The following AIF1L variants were observed in gnomAD, a reference collection of about 807,000 sequenced individuals.
AIF1L encodes the protein allograft inflammatory factor 1-like.
AIF1L carries 12 observed loss-of-function variants against 20.7 expected under a neutral mutation model. That is an observed-to-expected ratio of 0.58 (90% CI 0.37 to 0.94). AIF1L has a LOEUF of 0.94. AIF1L is among the 40% of genes least tolerant of loss of function. The pLI, the probability that AIF1L is intolerant of heterozygous loss-of-function variation, is 0.01. For synonymous variants in AIF1L, 76 were observed against 65.1 expected, an observed-to-expected ratio of 1.17 and a Z score of -0.81; for missense variants, 173 against 185.3, an observed-to-expected ratio of 0.93 and a Z score of 0.39.
intron 2 of AIF1L, among the ~76,000 whole-genome samples, chr9:131,104,897 C>CA (rs5900921): frequency 0.26 from 29,723 of 112,312 alleles, 3,443 homozygotes; most frequent in East Asian, 0.37. Flanking sequence ...GACTCTGTCT[C>CA]AAAAAAAAAA....
intron 2 of AIF1L, 121 bp downstream of exon 2, chr9:131,096,984 C>A: frequency 8.5e-7 from 1 of 1,171,522 alleles, no homozygotes; most frequent in Non-Finnish European, 1.1e-6. Context: ...TTCCCCTGGG[C>A]TTCCCTCAGG....
intron 4 of AIF1L, 144 bp downstream of exon 4, chr9:131,114,762 TC>T: frequency 1.9e-6 from 2 of 1,063,538 alleles, no homozygotes; most frequent in Non-Finnish European, 2.9e-6. Flanking sequence ...CCCCTTGCCT[TC>T]TGCCCTGGCA....
At chr9:131,110,012 C>G (rs150451575) in intron 2 of AIF1L, among the ~76,000 whole-genome samples, 190 of 152,236 alleles carry the variant, frequency 1.2e-3, no homozygotes, top group African/African-American at 4.3e-3. Flanking sequence ...GAGTTTGGGA[C>G]CAGCCTGGGC....
At chr9:131,101,962 G>T (rs1050071168) in intron 2 of AIF1L, among the ~76,000 whole-genome samples, 7 of 152,114 alleles carry the variant, frequency 4.6e-5, no homozygotes, top group African/African-American at 1.7e-4. Context: ...TGTCACCCAG[G>T]CTGGAGTGCA....
intron 2 of AIF1L, among the ~76,000 whole-genome samples, chr9:131,102,332 G>A (rs1190336737): frequency 6.6e-6 from 1 of 152,180 alleles, no homozygotes; most frequent in Non-Finnish European, 1.5e-5. Flanking sequence ...GCAATGGGGG[G>A]CCTCTGAGAC....
At chr9:131,115,321 G>A (rs1413206183) in intron 4 of AIF1L, among the ~76,000 whole-genome samples, 5 of 151,580 alleles carry the variant, frequency 3.3e-5, no homozygotes, top group Non-Finnish European at 5.9e-5. Context: ...GTGGTGGCGG[G>A]TGCCTGTAAT....
At chr9:131,111,876 A>C (rs1588185549) in intron 3 of AIF1L, 3 of 569,226 alleles carry the variant, frequency 5.3e-6, no homozygotes, top group South Asian at 2.0e-5. Flanking sequence ...GGGCCCCGTC[A>C]CCCCTCGCCT....
intron 2 of AIF1L, chr9:131,106,205 G>T (rs890993174): frequency 1.1e-5 from 17 of 1,535,566 alleles, no homozygotes; most frequent in Non-Finnish European, 1.5e-5. Context: ...CAGGGAGGGA[G>T]CCGCAGCTAC....
At position 131,122,395 on chromosome 9, in the gene AIF1L, T is replaced by C. The variant is rs1044711630; in HGVS notation, c.*2073T>C. 3 of 152,582 alleles carry C rather than the reference T, an allele frequency of 2.0e-5. No individual in the cohort carries two copies. The highest frequency in any genetic ancestry group is 4.4e-5 in the Non-Finnish European group (3 of 68,056). 9.5% of individuals were successfully genotyped at this position (152,582 alleles called of 1,614,324 possible). ...CTGCTTCAAATGCACACAGGCCTAG[T>C]TGAAGTTTAAACCCCAGCAAAACAT... On this transcript the variant is annotated 3_prime_UTR_variant, in exon 6 of 6. Coordinates refer to ENST00000247291, the MANE Select transcript of AIF1L (RefSeq NM_031426.4).
chr9:131,114,630 C>T lies in AIF1L; in HGVS notation c.202+12C>T, dbSNP rs746935503. 4.3e-6 allele frequency: 7 copies of T among 1,613,900 alleles called. No individual in the cohort carries two copies. In the South Asian group the frequency reaches 5.5e-5, roughly 13 times the overall value. On this transcript the variant is annotated intron_variant, in intron 4 of 5. Transcript: ENST00000247291. ...TGAAGGCGAGATTGGTGAGTGAAGCCTTGAGTGTGTTTAGGGAGGAGGGTG... is the reference window on the plus strand; with the variant it reads ...TGAAGGCGAGATTGGTGAGTGAAGCTTTGAGTGTGTTTAGGGAGGAGGGTG...
intron 2 of AIF1L, among the ~76,000 whole-genome samples, chr9:131,109,192 A>G (rs1830819888): frequency 2.2e-5 from 1 of 45,504 alleles, no homozygotes; most frequent in Non-Finnish European, 4.9e-5. Context: ...AGAATGTTGA[A>G]TGAGTGAATG....
chr9:131,106,215 C>T, intron 2 of AIF1L: 1 of 1,535,878 alleles, frequency 6.5e-7, no homozygotes, highest in South Asian at 1.2e-5. Flanking sequence ...GCCGCAGCTA[C>T]AGAGGATTTC....
intron 2 of AIF1L, chr9:131,106,164 T>G: frequency 6.5e-7 from 1 of 1,528,850 alleles, no homozygotes; most frequent in Non-Finnish European, 8.8e-7. Context: ...CCGAGCTGCC[T>G]CCTGATACCC....
In AIF1L at chr9:131,121,952, A is replaced by G. The variant is rs539977140; in HGVS notation, c.*1630A>G. 2 of 152,286 alleles carry G rather than the reference A, an allele frequency of 1.3e-5. No individual in the cohort carries two copies. Among genetic ancestry groups the G allele is most frequent in the East Asian group, 1.9e-4 (1 of 5,200 alleles). The allele number at this position is 152,286 out of a possible 1,614,324, so 9.4% of individuals were successfully genotyped here. A position where few individuals can be genotyped will look rare whatever the true frequency, so the allele number is the denominator to read the frequency against. On this transcript the variant is annotated 3_prime_UTR_variant, in exon 6 of 6. Transcript: ENST00000247291. ...GGACTGAGACAGTTATTCACTGAAC[A>G]TATTTATTAAGCACTTGCTGTAGGC...
In AIF1L at chr9:131,096,869, C is replaced by A. The variant is rs561669317; in HGVS notation, c.93+6C>A. 2 of 1,532,896 alleles carry A rather than the reference C, an allele frequency of 1.3e-6. No homozygotes were observed. The highest frequency in any genetic ancestry group is 2.0e-5 in the Admixed American group (1 of 48,856). The allele number at this position is 1,532,896 out of a possible 1,614,324, so 95.0% of individuals were successfully genotyped here. A position where few individuals can be genotyped will look rare whatever the true frequency, so the allele number is the denominator to read the frequency against. On this transcript the variant is annotated splice_donor_region_variant and intron_variant, in intron 2 of 5. Transcript: ENST00000247291. Reference sequence around the variant, plus strand: ...GGCTGGCCGAGATCAACCGGGTAAGCCCCGCGCCCAGGGCAGCACGCGAGT... The same window carrying A: ...GGCTGGCCGAGATCAACCGGGTAAGACCCGCGCCCAGGGCAGCACGCGAGT...
intron 5 of AIF1L, among the ~76,000 whole-genome samples, chr9:131,119,457 T>A (rs1588113523): frequency 6.8e-6 from 1 of 147,368 alleles, no homozygotes; most frequent in African/African-American, 2.6e-5. Context: ...GCAGAGATCG[T>A]GACATTGCCC....
chr9:131,114,660 G>A, intron 4 of AIF1L, 42 bp downstream of exon 4: 1 of 1,612,076 alleles, frequency 6.2e-7, no homozygotes, highest in South Asian at 1.1e-5. Flanking sequence ...AGGGTGTTAA[G>A]TGGGTAGAGG....
chr9:131,117,232 C>T (rs1286331613), intron 4 of AIF1L, among the ~76,000 whole-genome samples: 3 of 152,312 alleles, frequency 2.0e-5, no homozygotes, highest in Admixed American at 6.5e-5. Context: ...AGGAGTGGCA[C>T]GTGGGGAGAA....
At chr9:131,106,382 G>A (rs904620592) in intron 2 of AIF1L, 1 of 751,614 alleles carries the variant, frequency 1.3e-6, no homozygotes, top group East Asian at 2.7e-5. Context: ...AGTAACCTCA[G>A]TAAGCAGTGG....
Sources: allele counts gnomAD v4.1 joint callset (sites outside exome capture counted in the v4.1 genomes callset), GRCh38; gene constraint gnomAD v4.1.1; transcripts MANE v1.5; gene names NCBI Gene and HGNC (gene_info 2026-07-23, HGNC 2026-07-21).